SP3: variants seen among roughly 807,000 people sequenced by gnomAD.
SP3 encodes the protein transcription factor Sp3.
A neutral mutation model predicts 70.3 loss-of-function variants in SP3; 10 were observed. That is an observed-to-expected ratio of 0.14 (90% confidence interval 0.09 to 0.24). The LOEUF (loss-of-function observed/expected upper bound fraction) is 0.24. Among genes scored for constraint, SP3 ranks in the 10% least tolerant of loss-of-function variants. The pLI is 1.00. For missense variants in SP3, 825 were observed against 914.6 expected, an observed-to-expected ratio of 0.90 and a Z score of 1.26; for synonymous variants, 402 against 333.5, an observed-to-expected ratio of 1.21 and a Z score of -2.24.
At chr2:173,917,849 C>T (rs2105458780) in intron 5 of SP3, among the ~76,000 whole-genome samples, 2 of 152,126 alleles carry the variant, frequency 1.3e-5, no homozygotes, top group South Asian at 4.2e-4. Flanking sequence ...TCAATTCCGT[C>T]TCGTGTGATA....
chr2:173,961,462 T>C (rs1319785254), intron 3 of SP3, among the ~76,000 whole-genome samples: 1 of 152,218 alleles, frequency 6.6e-6, no homozygotes, highest in African/African-American at 2.4e-5. Flanking sequence ...AATCCTGGAC[T>C]GGATCCCAGA....
At position 173,906,055 on chromosome 2, in the gene SP3, A is replaced by G. The variant is rs1351639786; in HGVS notation, c.*3886T>C. On this transcript the variant is annotated 3_prime_UTR_variant, in exon 7 of 7. Coordinates refer to ENST00000310015, the MANE Select transcript of SP3 (RefSeq NM_003111.5). ...ATGAATTTTTCTGGGGAGAAGGTGT[A>G]GGATTCCAAAAAGACTAGGAATCAC... 6.6e-6 allele frequency among the ~76,000 whole-genome samples: 1 copy of G among 152,162 alleles called. No homozygotes were observed. Among genetic ancestry groups the G allele is most frequent in the Non-Finnish European group, 1.5e-5 (1 of 68,008 alleles).
chr2:173,931,255 G>A (rs751911491), intron 4 of SP3, among the ~76,000 whole-genome samples: 9 of 152,172 alleles, frequency 5.9e-5, no homozygotes, highest in Admixed American at 1.3e-4. Context: ...CTGGCTAGGC[G>A]CGGTGGTTCA....
intron 4 of SP3, among the ~76,000 whole-genome samples, chr2:173,944,792 G>A (rs1356534410): frequency 6.6e-6 from 1 of 152,048 alleles, no homozygotes; most frequent in Non-Finnish European, 1.5e-5. Flanking sequence ...AAAAATTAAA[G>A]AGAAAAGTAC....
At chr2:173,922,882 C>T (rs187516210) in intron 4 of SP3, among the ~76,000 whole-genome samples, 9 of 151,880 alleles carry the variant, frequency 5.9e-5, no homozygotes, top group South Asian at 2.1e-4. Context: ...AAGGGTTTTG[C>T]TATAAAAGCA....
rs1440799762 is a variant in SP3, at chr2:173,903,097, A to C, written c.*6844T>G. On this transcript the variant is annotated 3_prime_UTR_variant, in exon 7 of 7. Coordinates refer to ENST00000310015, the MANE Select transcript of SP3 (RefSeq NM_003111.5). ...ATGTTGGCTGACAATTAGGTGGATC[A>C]AGGTGACTTAACAAGGTGAATTAAC... Among the ~76,000 whole-genome samples the C allele has an allele frequency of 1.3e-5, 2 of 152,240 alleles. No homozygotes were observed. The highest frequency in any genetic ancestry group is 6.5e-5 in the Admixed American group (1 of 15,288).
intron 4 of SP3, among the ~76,000 whole-genome samples, chr2:173,933,642 A>AT (rs1690130159): frequency 8.1e-6 from 1 of 123,280 alleles, no homozygotes; most frequent in Non-Finnish European, 1.6e-5. Flanking sequence ...AAAACTTTAT[A>AT]TATATATATA....
In SP3 at chr2:173,956,176, C is replaced by T. The variant is rs758763516; in HGVS notation, c.336G>A (p.Leu112=). 1.2e-6 allele frequency: 2 copies of T among 1,613,924 alleles called. No homozygotes were observed. The highest frequency in any genetic ancestry group is 1.7e-6 in the Non-Finnish European group (2 of 1,179,890). ...CTTTTATAGTTGTAGGTGTGGCTGACAAAACCTCCCATCGGTTTGGTGCTC... is the reference window on the plus strand; with the variant it reads ...CTTTTATAGTTGTAGGTGTGGCTGATAAAACCTCCCATCGGTTTGGTGCTC... ...LGGAPNRWEV[L]SATPTTIKDE... is the part of the protein sequence containing the mutation. The change falls in exon 4 of 7, where the codon TTG becomes TTA. Residue 112 remains leucine (L), a synonymous_variant. Transcript: ENST00000310015.
chr2:173,941,870 T>C (rs950173498), intron 4 of SP3, among the ~76,000 whole-genome samples: 14 of 152,244 alleles, frequency 9.2e-5, no homozygotes, highest in Non-Finnish European at 1.9e-4. Context: ...TCTCCAACTC[T>C]GTTAAAATTT....
Position 173,920,954 on chromosome 2 carries a change from C to A in SP3, c.1640-2169G>T, listed in dbSNP as rs185925574. On this transcript the variant is annotated intron_variant, in intron 4 of 6. Transcript: ENST00000310015. The stretch of plus-strand genomic sequence containing the variant: ...CATGGGGATAGAAGAGTGGTGACTG[C>A]CTACTTTTGAGGGACATATATGACT... 9.4e-4 allele frequency among the ~76,000 whole-genome samples: 143 copies of A among 152,110 alleles called. 1 individual carries two copies. The highest frequency in any genetic ancestry group is 3.1e-3 in the African/African-American group (129 of 41,506).
In SP3 at chr2:173,910,124, A is replaced by C. The variant is rs1423911680; in HGVS notation, c.2163T>G (p.Ala721=). ...CAGTAATCAAAGTATCATCTCGCGC[A>C]GCTTCCACAGATGCCAGCACTGTAC... ...SSSTVLASVE[A]ARDDTLITAG... Residue 721 remains alanine, a synonymous_variant, in exon 7 of 7, where the codon GCT becomes GCG. Coordinates refer to ENST00000310015, the MANE Select transcript of SP3 (RefSeq NM_003111.5). The C allele has an allele frequency of 8.7e-6, 14 of 1,612,362 alleles. No individual in the cohort carries two copies. The highest frequency in any genetic ancestry group is 1.3e-5 in the African/African-American group (1 of 74,874).
intron 1 of SP3, 143 bp downstream of exon 1, chr2:173,965,022 A>T: frequency 9.4e-7 from 1 of 1,058,754 alleles, no homozygotes; most frequent in Non-Finnish European, 1.4e-6. Context: ...AGGGAGGCGC[A>T]GGGGAGTGCA....
chr2:173,953,255 T>C (rs1690771175), intron 4 of SP3, among the ~76,000 whole-genome samples: 1 of 152,184 alleles, frequency 6.6e-6, no homozygotes, highest in Admixed American at 6.5e-5. Context: ...ACACAAGCAG[T>C]TTTATCCACC....
chr2:173,911,813 C>T lies in SP3; in HGVS notation c.2029+1257G>A, dbSNP rs988318527. Among the ~76,000 whole-genome samples, 528 of 98,076 alleles carry T rather than the reference C, an allele frequency of 5.4e-3. 5 individuals carry two copies. Among genetic ancestry groups the T allele is most frequent in the African/African-American group, 0.019 (453 of 23,526 alleles). The allele number at this position is 98,076 out of a possible 152,430, so 64.3% of individuals were successfully genotyped here. On this transcript the variant is annotated intron_variant, in intron 6 of 6. Transcript: ENST00000310015. ...CTGCAACGCAAAATCTTTTATCTAC[C>T]TTTTTTTTTTTTTTTTTTTTTTTGA... is the stretch of plus-strand genomic sequence containing the variant.
chr2:173,956,332 A>G (rs1044529804), intron 3 of SP3, 100 bp from the exon 4 acceptor site: 31 of 1,259,432 alleles, frequency 2.5e-5, no homozygotes, highest in Admixed American at 7.9e-5. Flanking sequence ...CTGAAAATTC[A>G]ACTTATCTTA....
chr2:173,963,401 T>C (rs945632643), intron 3 of SP3: 1 of 152,316 alleles, frequency 6.6e-6, no homozygotes, highest in African/African-American at 2.4e-5. Flanking sequence ...TTGCCTCTAG[T>C]TGATACTATC....
At position 173,906,353 on chromosome 2, in the gene SP3, TTA is replaced by T. The variant is rs370337529; in HGVS notation, c.*3586_*3587del. On this transcript the variant is annotated 3_prime_UTR_variant, in exon 7 of 7. Transcript: ENST00000310015. ...GTTGTTTCTTCAACACTAAATAAAATTATGAGGTGATTTCACAAAAATATCAA... is the reference window on the plus strand; with the variant it reads ...GTTGTTTCTTCAACACTAAATAAAATTGAGGTGATTTCACAAAAATATCAA... 8 of 152,172 alleles carry T rather than the reference TTA, an allele frequency of 5.3e-5. No homozygotes were observed. Among genetic ancestry groups the T allele is most frequent in the African/African-American group, 1.9e-4 (8 of 41,438 alleles). 9.4% of individuals were successfully genotyped at this position (152,172 alleles called of 1,614,324 possible). A position where few individuals can be genotyped will look rare whatever the true frequency, so the allele number is the denominator to read the frequency against.
intron 4 of SP3, among the ~76,000 whole-genome samples, chr2:173,949,252 A>C (rs1690639644): frequency 6.6e-6 from 1 of 152,182 alleles, no homozygotes. Flanking sequence ...AAAATCAGTA[A>C]GGATTTATCT....
chr2:173,907,149 TCTTA>T lies in SP3; in HGVS notation c.*2788_*2791del, dbSNP rs1689350641. ...ATGAGATGCTCTTTAAGTGATACTT[TCTTA>T]AATTAAAATTTGAGGTATACAGATA... On this transcript the variant is annotated 3_prime_UTR_variant, in exon 7 of 7. Coordinates refer to ENST00000310015, the MANE Select transcript of SP3 (RefSeq NM_003111.5). The T allele has an allele frequency of 6.6e-6, 1 of 152,180 alleles. No individual in the cohort carries two copies. Among genetic ancestry groups the T allele is most frequent in the South Asian group, 2.1e-4 (1 of 4,830 alleles). 9.4% of individuals were successfully genotyped at this position (152,180 alleles called of 1,614,324 possible).
Sources: allele counts gnomAD v4.1 joint callset (sites outside exome capture counted in the v4.1 genomes callset), GRCh38; gene constraint gnomAD v4.1.1; transcripts MANE v1.5; gene names NCBI Gene and HGNC (gene_info 2026-07-23, HGNC 2026-07-21).